The following ORC4 variants were observed in gnomAD, a reference collection of about 807,000 sequenced individuals.
The protein encoded by ORC4 is origin recognition complex, subunit 4 homolog.
ORC4 carries 55 observed loss-of-function variants against 63.9 expected under a neutral mutation model. The observed-to-expected ratio is 0.86, with a 90% CI of 0.69 to 1.08. ORC4 has a LOEUF of 1.08. Ranked by LOEUF, ORC4 falls within the 50% of genes least tolerant of loss-of-function variation. ORC4 has a pLI of 0.00. For synonymous variants in ORC4, 150 were observed against 168.5 expected (o/e 0.89, Z 0.85); for missense variants, 511 against 504.4 (o/e 1.01, Z -0.13).
At chr2:147,957,597 T>C (rs998441974) in intron 6 of ORC4, among the ~76,000 whole-genome samples, 7 of 152,178 alleles carry the variant, frequency 4.6e-5, no homozygotes, top group Non-Finnish European at 1.0e-4. Flanking sequence ...CAGTTTCTTT[T>C]ACTGATGTTG....
chr2:147,977,058 T>C (rs2105359972), intron 1 of ORC4, among the ~76,000 whole-genome samples: 1 of 152,316 alleles, frequency 6.6e-6, no homozygotes, highest in South Asian at 2.1e-4. Flanking sequence ...TCAGGAATTG[T>C]TACAAATGCT....
At position 147,935,166 on chromosome 2, in the gene ORC4, T is replaced by C. The variant is rs1390929986; in HGVS notation, c.*344A>G. ...CTTACCATTGTTTTTTTTACTCCTT[T>C]GGTTTAAGGTTTGTAAAGACATCTA... On this transcript the variant is annotated 3_prime_UTR_variant, in exon 14 of 14. Coordinates refer to ENST00000392857, the MANE Select transcript of ORC4 (RefSeq NM_181741.4). The C allele has an allele frequency of 4.2e-6, 1 of 238,116 alleles. No homozygotes were observed. The highest frequency in any genetic ancestry group is 8.3e-6 in the Non-Finnish European group (1 of 120,308). The allele number at this position is 238,116 out of a possible 1,614,324, so 14.8% of individuals were successfully genotyped here. A position where few individuals can be genotyped will look rare whatever the true frequency, so the allele number is the denominator to read the frequency against.
intron 1 of ORC4, among the ~76,000 whole-genome samples, chr2:147,977,901 C>A (rs1170450490): frequency 6.6e-6 from 1 of 152,104 alleles, no homozygotes; most frequent in African/African-American, 2.4e-5. Flanking sequence ...TGGAACTAAG[C>A]TACAGGGTTG....
At chr2:147,957,699 A>G (rs1447569089) in intron 6 of ORC4, among the ~76,000 whole-genome samples, 1 of 152,198 alleles carries the variant, frequency 6.6e-6, no homozygotes, top group Non-Finnish European at 1.5e-5. Context: ...GCACATTACC[A>G]TCCAGCAAAT....
intron 1 of ORC4, among the ~76,000 whole-genome samples, chr2:147,995,893 G>A (rs374224076): frequency 1.1e-4 from 17 of 152,036 alleles, no homozygotes; most frequent in South Asian, 1.0e-3. Flanking sequence ...CAGACACATC[G>A]GGAAGCTGAA....
chr2:147,978,840 C>T (rs1028436588), intron 1 of ORC4, among the ~76,000 whole-genome samples: 17 of 152,082 alleles, frequency 1.1e-4, no homozygotes, highest in African/African-American at 4.1e-4. Context: ...AATGCATTAA[C>T]AGAATGAAGG....
chr2:148,015,789 G>A (rs1053617302), intron 1 of ORC4, among the ~76,000 whole-genome samples: 4 of 152,090 alleles, frequency 2.6e-5, no homozygotes, highest in African/African-American at 9.7e-5. Context: ...TTCAAAGTGG[G>A]TCGTAAAACA....
intron 1 of ORC4, among the ~76,000 whole-genome samples, chr2:147,983,803 G>A (rs1015317431): frequency 3.9e-5 from 6 of 152,090 alleles, no homozygotes; most frequent in Non-Finnish European, 7.4e-5. Context: ...TTGTAGACAC[G>A]GCAAAAAGGG....
At chr2:147,967,275 A>G (rs1447057737) in intron 4 of ORC4, among the ~76,000 whole-genome samples, 6 of 152,134 alleles carry the variant, frequency 3.9e-5, no homozygotes, top group Non-Finnish European at 7.4e-5. Context: ...AACTGGAACA[A>G]TACAAGGATG....
intron 1 of ORC4, among the ~76,000 whole-genome samples, chr2:147,996,360 G>A (rs1691974350): frequency 6.6e-6 from 1 of 152,012 alleles, no homozygotes; most frequent in Admixed American, 6.6e-5. Context: ...AGAAAATCTA[G>A]GTGACCTTGG....
chr2:147,973,593 C>T (rs1447008169), intron 2 of ORC4, 69 bp from the exon 3 acceptor site: 1 of 901,276 alleles, frequency 1.1e-6, no homozygotes, highest in Non-Finnish European at 1.8e-6. Context: ...AATAAGAAAG[C>T]ACATTTACAA....
intron 1 of ORC4, among the ~76,000 whole-genome samples, chr2:148,001,308 G>A (rs540326207): frequency 6.6e-6 from 1 of 152,172 alleles, no homozygotes; most frequent in South Asian, 2.1e-4. Flanking sequence ...GAAGAAACAG[G>A]CTGCTTAAAT....
At chr2:147,945,928 T>C (rs1231336043) in intron 9 of ORC4, among the ~76,000 whole-genome samples, 4 of 152,040 alleles carry the variant, frequency 2.6e-5, no homozygotes. Flanking sequence ...AGGCACAAGA[T>C]GATCAGGATA....
At chr2:147,937,086 T>TAAG (rs976737892) in intron 13 of ORC4, 1 of 148,806 alleles carries the variant, frequency 6.7e-6, no homozygotes, top group Non-Finnish European at 1.5e-5. Context: ...TCTCACAAAA[T>TAAG]AAGACTATTA....
intron 1 of ORC4, among the ~76,000 whole-genome samples, chr2:147,990,695 T>C (rs1360568765): frequency 2.0e-5 from 3 of 152,204 alleles, no homozygotes; most frequent in Non-Finnish European, 4.4e-5. Flanking sequence ...AAATCTTTTT[T>C]TCCTCCTCAT....
intron 1 of ORC4, among the ~76,000 whole-genome samples, chr2:148,007,909 T>C (rs961646212): frequency 6.6e-6 from 1 of 151,856 alleles, no homozygotes; most frequent in African/African-American, 2.4e-5. Flanking sequence ...CAGAAGAGAG[T>C]AGGATGACAA....
At chr2:147,946,643 A>G (rs1414539031) in intron 9 of ORC4, among the ~76,000 whole-genome samples, 1 of 152,086 alleles carries the variant, frequency 6.6e-6, no homozygotes, top group African/African-American at 2.4e-5. Flanking sequence ...ATCCATACCT[A>G]ATTATATCAA....
At chr2:148,012,897 T>C (rs140520096) in intron 1 of ORC4, among the ~76,000 whole-genome samples, 5,189 of 152,314 alleles carry the variant, frequency 0.034, 119 homozygotes, top group Middle Eastern at 0.088. Context: ...AGGTATCAAC[T>C]CACTCCAGTT....
chr2:147,962,728 C>T (rs1573798019), intron 4 of ORC4, among the ~76,000 whole-genome samples: 2 of 152,226 alleles, frequency 1.3e-5, no homozygotes, highest in East Asian at 1.9e-4. Context: ...AGCTGATACA[C>T]CCCTTGCACT....
Sources: allele counts gnomAD v4.1 joint callset (sites outside exome capture counted in the v4.1 genomes callset), GRCh38; gene constraint gnomAD v4.1.1; transcripts MANE v1.5; gene names NCBI Gene and HGNC (gene_info 2026-07-23, HGNC 2026-07-21).